The following TTC7B variants were observed in gnomAD, a reference collection of about 807,000 sequenced individuals.
TTC7B encodes the protein tetratricopeptide repeat protein 7B.
TTC7B carries 28 observed loss-of-function variants against 106.8 expected under a neutral mutation model. That is an observed-to-expected ratio of 0.26 (90% CI 0.19 to 0.36). The LOEUF is 0.36. Ranked by LOEUF, TTC7B falls within the 10% of genes least tolerant of loss-of-function variation. TTC7B has a pLI of 1.00. For missense variants in TTC7B, 862 were observed against 1,076.4 expected (o/e 0.80, Z 2.79); for synonymous variants, 405 against 430.6 (o/e 0.94, Z 0.74).
intron 6 of TTC7B, among the ~76,000 whole-genome samples, chr14:90,694,711 T>G (rs1353765584): frequency 7.1e-6 from 1 of 141,750 alleles, no homozygotes; most frequent in African/African-American, 2.5e-5. Context: ...TTTTATTTTA[T>G]TATAAAATAG....
chr14:90,604,911 T>C (rs1892576367), intron 17 of TTC7B, among the ~76,000 whole-genome samples: 2 of 152,220 alleles, frequency 1.3e-5, no homozygotes, highest in Admixed American at 1.3e-4. Flanking sequence ...TTTCTCTGCA[T>C]AGTTTCACGA....
intron 3 of TTC7B, among the ~76,000 whole-genome samples, chr14:90,766,327 T>A (rs1209846602): frequency 6.6e-6 from 1 of 151,946 alleles, no homozygotes; most frequent in African/African-American, 2.4e-5. Context: ...GAAACTGTCC[T>A]TGAAAAAGAC....
intron 3 of TTC7B, among the ~76,000 whole-genome samples, chr14:90,775,558 C>T (rs930074373): frequency 1.7e-4 from 26 of 152,234 alleles, no homozygotes; most frequent in Admixed American, 9.2e-4. Context: ...CTGTAAACCG[C>T]CCGACATGGT....
At chr14:90,576,650 C>T (rs549002719) in intron 19 of TTC7B, among the ~76,000 whole-genome samples, 23 of 152,314 alleles carry the variant, frequency 1.5e-4, no homozygotes, top group African/African-American at 5.3e-4. Flanking sequence ...GGTTAAGTGA[C>T]AAGTCCGAGC....
chr14:90,684,763 A>G (rs1245462365), intron 7 of TTC7B, among the ~76,000 whole-genome samples: 3 of 152,124 alleles, frequency 2.0e-5, no homozygotes, highest in African/African-American at 7.2e-5. Context: ...GTAGGGCTCC[A>G]GTAGTGTCCT....
intron 1 of TTC7B, among the ~76,000 whole-genome samples, chr14:90,794,739 A>T (rs1333336962): frequency 1.3e-5 from 2 of 152,170 alleles, no homozygotes; most frequent in Non-Finnish European, 2.9e-5. Flanking sequence ...CCAGGCGCTA[A>T]GTTAATCTCC....
At chr14:90,744,496 A>C (rs563630508) in intron 4 of TTC7B, among the ~76,000 whole-genome samples, 5 of 152,172 alleles carry the variant, frequency 3.3e-5, no homozygotes, top group Admixed American at 2.0e-4. Context: ...TTAAGTAGAG[A>C]TGGGGTTTCA....
intron 9 of TTC7B, among the ~76,000 whole-genome samples, chr14:90,674,074 G>T (rs1472901520): frequency 6.6e-6 from 1 of 151,936 alleles, no homozygotes; most frequent in Non-Finnish European, 1.5e-5. Flanking sequence ...AAATGGTTAG[G>T]TTTGTTACGT....
intron 4 of TTC7B, among the ~76,000 whole-genome samples, chr14:90,740,733 A>G (rs1417384289): frequency 1.3e-5 from 2 of 151,994 alleles, no homozygotes; most frequent in Non-Finnish European, 2.9e-5. Context: ...AACTCCTGAC[A>G]TCAGGTGATC....
intron 5 of TTC7B, among the ~76,000 whole-genome samples, chr14:90,724,041 G>A (rs748888101): frequency 5.3e-5 from 8 of 152,028 alleles, no homozygotes; most frequent in African/African-American, 1.7e-4. Flanking sequence ...ACACAATACC[G>A]AGTACAGTTC....
rs192406467 is a variant in TTC7B at position 90,573,759 on chromosome 14, A to G, written c.2310+4347T>C. Among the ~76,000 whole-genome samples the G allele has an allele frequency of 2.1e-3, 324 of 152,288 alleles. 2 individuals carry two copies. The highest frequency in any genetic ancestry group is 4.8e-3 in the South Asian group (23 of 4,824). On this transcript the variant is annotated intron_variant, in intron 19 of 19. Coordinates refer to ENST00000328459, the MANE Select transcript of TTC7B (RefSeq NM_001010854.2). Reference sequence around the variant, plus strand: ...CGCCAAGCCCTGGCTGACCCCTGCCATCTGCTTCTGCTTCACACCTTTTCT... The same window carrying G: ...CGCCAAGCCCTGGCTGACCCCTGCCGTCTGCTTCTGCTTCACACCTTTTCT...
intron 1 of TTC7B, among the ~76,000 whole-genome samples, chr14:90,794,834 A>AG (rs1891719733): frequency 6.6e-6 from 1 of 152,200 alleles, no homozygotes; most frequent in African/African-American, 2.4e-5. Flanking sequence ...AGAGATATTA[A>AG]AAACATCAAG....
intron 5 of TTC7B, among the ~76,000 whole-genome samples, chr14:90,711,553 C>T (rs1482626729): frequency 6.6e-6 from 1 of 152,170 alleles, no homozygotes; most frequent in East Asian, 1.9e-4. Flanking sequence ...CCCCAAGTAG[C>T]TGGGATTACA....
intron 3 of TTC7B, among the ~76,000 whole-genome samples, chr14:90,748,933 C>G (rs971162747): frequency 6.6e-6 from 1 of 152,176 alleles, no homozygotes; most frequent in Admixed American, 6.5e-5. Flanking sequence ...CTGCTGATTT[C>G]TTTCAGCTAC....
chr14:90,597,012 C>G (rs1159494577), intron 17 of TTC7B, among the ~76,000 whole-genome samples: 1 of 152,178 alleles, frequency 6.6e-6, no homozygotes, highest in Non-Finnish European at 1.5e-5. Context: ...ACAATCCAGA[C>G]TAAAAATGAC....
At chr14:90,654,724 G>A (rs978714476) in intron 12 of TTC7B, among the ~76,000 whole-genome samples, 2 of 152,154 alleles carry the variant, frequency 1.3e-5, no homozygotes, top group South Asian at 2.1e-4. Flanking sequence ...CCCTCAAAGC[G>A]CAGTGAGGTG....
chr14:90,777,785 T>C (rs915030689), intron 3 of TTC7B, among the ~76,000 whole-genome samples: 3 of 152,204 alleles, frequency 2.0e-5, no homozygotes, highest in African/African-American at 4.8e-5. Flanking sequence ...TCTCTGGGCA[T>C]CTCCATGAAT....
At chr14:90,628,175 A>AT (rs1354011662) in intron 15 of TTC7B, among the ~76,000 whole-genome samples, 10 of 152,252 alleles carry the variant, frequency 6.6e-5, no homozygotes, top group African/African-American at 1.9e-4. Context: ...GAAGTGTCAA[A>AT]TAGCCATCTG....
chr14:90,683,011 A>C (rs1304760711), intron 7 of TTC7B, among the ~76,000 whole-genome samples: 1 of 152,258 alleles, frequency 6.6e-6, no homozygotes, highest in Non-Finnish European at 1.5e-5. Flanking sequence ...GGGCTCCCAC[A>C]TAATAGCTTT....
Sources: allele counts gnomAD v4.1 joint callset (sites outside exome capture counted in the v4.1 genomes callset), GRCh38; gene constraint gnomAD v4.1.1; transcripts MANE v1.5; gene names NCBI Gene and HGNC (gene_info 2026-07-23, HGNC 2026-07-21).